The following AMH variants were observed in gnomAD, a reference collection of about 807,000 sequenced individuals.
AMH encodes the protein anti-Muellerian hormone.
Under a neutral mutation model 33.3 loss-of-function variants are expected in AMH, and 39 were observed. The ratio of observed to expected loss-of-function variants is 1.17; its 90% CI spans 0.91 to 1.53. The LOEUF (loss-of-function observed/expected upper bound fraction) is 1.53, where lower values mean the gene tolerates loss of function less well. AMH is among the 40% of genes most tolerant of loss of function. The pLI is 0.00. For synonymous variants in AMH, 536 were observed against 403.0 expected, an observed-to-expected ratio of 1.33 and a Z score of -3.95; for missense variants, 1,019 against 799.8, an observed-to-expected ratio of 1.27 and a Z score of -3.30.
At position 2,249,355 on chromosome 19, in the gene AMH, G is replaced by A. The variant is rs145122767; in HGVS notation, c.23G>A (p.Ser8Asn). The change falls in exon 1 of 5, where the codon AGC (serine) becomes AAC (asparagine). Residue 8 changes from serine to asparagine, a missense_variant. Transcript: ENST00000221496. Reference sequence around the variant, plus strand: ...ACGATGCGGGACCTGCCTCTCACCAGCCTGGCCCTAGTGCTGTCTGCCCTG... The same window carrying A: ...ACGATGCGGGACCTGCCTCTCACCAACCTGGCCCTAGTGCTGTCTGCCCTG... MRDLPLT[S>N]LALVLSALGA... The A allele has an allele frequency of 6.3e-7, 1 of 1,578,788 alleles. No individual in the cohort carries two copies. Among genetic ancestry groups the A allele is most frequent in the East Asian group, 2.3e-5 (1 of 42,906 alleles).
Position 2,251,374 on chromosome 19 carries a change from C to G in AMH, c.1100C>G (p.Thr367Arg). The G allele has an allele frequency of 6.8e-7, 1 of 1,472,066 alleles. No homozygotes were observed. The highest frequency in any genetic ancestry group is 8.9e-7 in the Non-Finnish European group (1 of 1,118,866). The allele number at this position is 1,472,066 out of a possible 1,614,324, so 91.2% of individuals were successfully genotyped here. ...GATCCTGCGCCCCTGCACGACCCCA[C>G]GTCGGCGCCGTGGGCCACGGCCCTG... ...TGDPAPLHDP[T>R]SAPWATALAR... is the part of the protein sequence containing the mutation. The change falls in exon 5 of 5, where the codon ACG becomes AGG. Residue 367 changes from threonine (T) to arginine (R), a missense_variant. By Grantham distance (71) the Thr-to-Arg change is moderately conservative. Coordinates refer to ENST00000221496, the MANE Select transcript of AMH (RefSeq NM_000479.5).
At position 2,249,478 on chromosome 19, in the gene AMH, G is replaced by C; in HGVS notation, c.146G>C (p.Ser49Thr). The C allele has an allele frequency of 6.2e-7, 1 of 1,605,778 alleles. No individual in the cohort carries two copies. The highest frequency in any genetic ancestry group is 8.5e-7 in the Non-Finnish European group (1 of 1,177,272). The change falls in exon 1 of 5, where the codon AGC becomes ACC. Residue 49 changes from serine to threonine, a missense_variant. By Grantham distance (58) the Ser-to-Thr change is moderately conservative. Transcript: ENST00000221496. ...FREDLDWPPGSPQEPLCLVAL... is the reference protein window; with the variant it reads ...FREDLDWPPGTPQEPLCLVAL... ...GAAGACTTGGACTGGCCTCCAGGCA[G>C]CCCACAAGAGCCTCTGTGCCTGGTG...
chr19:2,249,368 G>T lies in AMH; in HGVS notation c.36G>T (p.Val12=). 6.3e-7 allele frequency: 1 copy of T among 1,583,360 alleles called. No homozygotes were observed. ...RDLPLTSLAL[V]LSALGALLGT... Reference sequence around the variant, plus strand: ...TGCCTCTCACCAGCCTGGCCCTAGTGCTGTCTGCCCTGGGGGCTCTGCTGG... The same window carrying T: ...TGCCTCTCACCAGCCTGGCCCTAGTTCTGTCTGCCCTGGGGGCTCTGCTGG... Residue 12 remains valine (V), a synonymous_variant, in exon 1 of 5, where the codon GTG becomes GTT. Transcript: ENST00000221496.
In AMH at chr19:2,249,401, G is replaced by T; in HGVS notation, c.69G>T (p.Glu23Asp). The T allele has an allele frequency of 6.3e-7, 1 of 1,593,768 alleles. No homozygotes were observed. The highest frequency in any genetic ancestry group is 8.5e-7 in the Non-Finnish European group (1 of 1,171,118). ...LSALGALLGT[E>D]ALRAEEPAVG... is the part of the protein sequence containing the mutation. ...CCCTGGGGGCTCTGCTGGGGACTGA[G>T]GCCCTCAGAGCAGAGGAGCCAGCTG... Residue 23 changes from glutamate to aspartate, a missense_variant, in exon 1 of 5, where the codon GAG (glutamate) becomes GAT (aspartate). By Grantham distance (45) the Glu-to-Asp change is conservative. Coordinates refer to ENST00000221496, the MANE Select transcript of AMH (RefSeq NM_000479.5).
chr19:2,250,080 C>T (rs2025002019), intron 1 of AMH: 2 of 643,276 alleles, frequency 3.1e-6, no homozygotes, highest in East Asian at 5.5e-5. Flanking sequence ...TAAGATACTC[C>T]CTGCGGGGAA....
chr19:2,251,796 G>T lies in AMH; in HGVS notation c.1522G>T (p.Val508Leu). 6.2e-7 allele frequency: 1 copy of T among 1,609,190 alleles called. No homozygotes were observed. Among genetic ancestry groups the T allele is most frequent in the East Asian group, 2.2e-5 (1 of 44,818 alleles). ...DRNPRYGNHV[V>L]LLLKMQVRGA... ...CAACCCGCGCTACGGCAACCACGTG[G>T]TGCTGCTGCTGAAGATGCAGGTCCG... Residue 508 changes from valine (V) to leucine (L), a missense_variant, in exon 5 of 5, where the codon GTG becomes TTG. Val to Leu is a conservative substitution (Grantham distance 32). Coordinates refer to ENST00000221496, the MANE Select transcript of AMH (RefSeq NM_000479.5).
rs748534352 is a variant in AMH at position 2,249,788 on chromosome 19, C to T, written c.412+44C>T. ...CAAGCTTGGCACCGCCGTCTTCCTT[C>T]AGGTGGGCCGGGTCCTCCTAGGGAA... On this transcript the variant is annotated intron_variant, in intron 1 of 4. Transcript: ENST00000221496. The T allele has an allele frequency of 4.1e-6, 6 of 1,459,550 alleles. No homozygotes were observed. In the South Asian group the frequency reaches 4.4e-5, roughly 11 times the overall value. The allele number at this position is 1,459,550 out of a possible 1,614,324, so 90.4% of individuals were successfully genotyped here.
In AMH at chr19:2,249,987, C is replaced by T. The variant is rs968711660; in HGVS notation, c.412+243C>T. 9.1e-5 allele frequency: 57 copies of T among 624,386 alleles called. No homozygotes were observed. The South Asian group carries it at 1.2e-3, about 13-fold the overall frequency. 38.7% of individuals were successfully genotyped at this position (624,386 alleles called of 1,614,324 possible). On this transcript the variant is annotated intron_variant, in intron 1 of 4. Coordinates refer to ENST00000221496, the MANE Select transcript of AMH (RefSeq NM_000479.5). ...CCAGGGAGAGAGCTGCTGCCTTCTCCCCACCCCTGAAGACGACGCAGGGCT... is the reference window on the plus strand; with the variant it reads ...CCAGGGAGAGAGCTGCTGCCTTCTCTCCACCCCTGAAGACGACGCAGGGCT...
chr19:2,251,113 T>G lies in AMH; in HGVS notation c.839T>G (p.Leu280Arg). 1 of 1,542,458 alleles carries G rather than the reference T, an allele frequency of 6.5e-7. No individual in the cohort carries two copies. The highest frequency in any genetic ancestry group is 8.7e-7 in the Non-Finnish European group (1 of 1,151,362). ...GCGGGTTCCAGGCCATCCGCGGAACTCGAGGAGTCGCCACCCAGCGCAGAC... is the reference window on the plus strand; with the variant it reads ...GCGGGTTCCAGGCCATCCGCGGAACGCGAGGAGTCGCCACCCAGCGCAGAC... ...PFPPPRPSAE[L>R]EESPPSADPF... Residue 280 changes from leucine (L) to arginine (R), a missense_variant, in exon 5 of 5, where the codon CTC (leucine) becomes CGC (arginine). Transcript: ENST00000221496.
Position 2,249,714 on chromosome 19 carries a change from C to T in AMH, c.382C>T (p.Gln128Ter). The T allele has an allele frequency of 6.6e-7, 1 of 1,507,216 alleles. No homozygotes were observed. The highest frequency in any genetic ancestry group is 8.8e-7 in the Non-Finnish European group (1 of 1,133,596). The allele number at this position is 1,507,216 out of a possible 1,614,324, so 93.4% of individuals were successfully genotyped here. A position where few individuals can be genotyped will look rare whatever the true frequency, so the allele number is the denominator to read the frequency against. The stretch of plus-strand genomic sequence containing the variant: ...GGCCTGGCTGCGGGACCCTGGGGGG[C>T]AGCGCCTGGTGGTCCTACACCTGGA... ...LGAWLRDPGGQRLVVLHLEEV... is the reference protein window; with the variant it reads ...LGAWLRDPGG The change falls in exon 1 of 5, where the codon CAG becomes TAG. Residue 128 changes from glutamine (Q) to a stop codon, truncating the protein, a stop_gained. Coordinates refer to ENST00000221496, the MANE Select transcript of AMH (RefSeq NM_000479.5). LOFTEE classifies it high-confidence loss of function.
Position 2,249,462 on chromosome 19 carries a change from G to C in AMH, c.130G>C (p.Asp44His). Residue 44 changes from aspartate to histidine, a missense_variant, in exon 1 of 5, where the codon GAC (aspartate) becomes CAC (histidine). Asp to His is a moderately conservative substitution (Grantham distance 81). Coordinates refer to ENST00000221496, the MANE Select transcript of AMH (RefSeq NM_000479.5). ...TGGCCTCATCTTCCGAGAAGACTTGGACTGGCCTCCAGGCAGCCCACAAGA... is the reference window on the plus strand; with the variant it reads ...TGGCCTCATCTTCCGAGAAGACTTGCACTGGCCTCCAGGCAGCCCACAAGA... ...TSGLIFREDL[D>H]WPPGSPQEPL... 1 of 1,606,704 alleles carries C rather than the reference G, an allele frequency of 6.2e-7. No individual in the cohort carries two copies. Among genetic ancestry groups the C allele is most frequent in the Admixed American group, 1.7e-5 (1 of 59,362 alleles).
At chr19:2,249,817 C>G in intron 1 of AMH, 73 bp downstream of exon 1, 1 of 1,413,206 alleles carries the variant, frequency 7.1e-7, no homozygotes, top group East Asian at 2.5e-5. Flanking sequence ...TAGGGAAGAT[C>G]AGGGGCTGGC....
rs2145027047 is a variant in AMH at position 2,250,317 on chromosome 19, C to T, written c.413-20C>T. On this transcript the variant is annotated intron_variant, in intron 1 of 4. Transcript: ENST00000221496. ...TGTGGCCTTCAATGGCTCAGGCGTCCCCTGCTGTCCCGGCTGCAGTGACCT... is the reference window on the plus strand; with the variant it reads ...TGTGGCCTTCAATGGCTCAGGCGTCTCCTGCTGTCCCGGCTGCAGTGACCT... The T allele has an allele frequency of 6.3e-7, 1 of 1,587,924 alleles. No homozygotes were observed. Among genetic ancestry groups the T allele is most frequent in the East Asian group, 2.3e-5 (1 of 44,232 alleles).
chr19:2,250,349 C>T lies in AMH; in HGVS notation c.425C>T (p.Pro142Leu). ...GTCCCGGCTGCAGTGACCTGGGAGC[C>T]AACACCCTCGCTGAGGTTCCAGGAG... ...VLHLEEVTWE[P>L]TPSLRFQEPP... The change falls in exon 2 of 5, where the codon CCA becomes CTA. Residue 142 changes from proline (P) to leucine (L), a missense_variant. Transcript: ENST00000221496. 1.3e-6 allele frequency: 2 copies of T among 1,598,334 alleles called. No individual in the cohort carries two copies. The highest frequency in any genetic ancestry group is 1.7e-6 in the Non-Finnish European group (2 of 1,175,598).
Position 2,251,513 on chromosome 19 carries a change from T to A in AMH, c.1239T>A (p.Gly413=), listed in dbSNP as rs7252789. 1,204,488 of 1,369,386 alleles carry A rather than the reference T, an allele frequency of 0.88. 530,103 individuals carry two copies. Among genetic ancestry groups the A allele is most frequent in the East Asian group, 0.92 (29,141 of 31,636 alleles). 84.8% of individuals were successfully genotyped at this position (1,369,386 alleles called of 1,614,324 possible). The change falls in exon 5 of 5, where the codon GGT becomes GGA. Residue 413 remains glycine (G), a synonymous_variant. Transcript: ENST00000221496. The part of the protein sequence containing the change: ...LLARLLALCP[G]GPGGLGDPLR... ...CGCGCCTGCTCGCGCTCTGCCCAGG[T>A]GGCCCCGGCGGCCTCGGCGATCCCC...
Position 2,250,541 on chromosome 19 carries a change from G to C in AMH, c.555+62G>C, listed in dbSNP as rs557221831. ...GGCGGGGGGCATGGATTTGTTGCAG[G>C]GTCTGCAGTACTGAGAACAGCGTAG... On this transcript the variant is annotated intron_variant, in intron 2 of 4. Transcript: ENST00000221496. The C allele has an allele frequency of 6.9e-5, 106 of 1,539,832 alleles. 3 individuals carry two copies. In the South Asian group the frequency reaches 1.1e-3, roughly 17 times the overall value.
rs773582762 is a variant in AMH at position 2,249,466 on chromosome 19, G to A, written c.134G>A (p.Trp45Ter). 1 of 1,606,894 alleles carries A rather than the reference G, an allele frequency of 6.2e-7. No homozygotes were observed. The highest frequency in any genetic ancestry group is 1.7e-5 in the Admixed American group (1 of 59,402). Reference protein sequence around the residue: ...SGLIFREDLDWPPGSPQEPLC... With the variant: ...SGLIFREDLD ...CTCATCTTCCGAGAAGACTTGGACT[G>A]GCCTCCAGGCAGCCCACAAGAGCCT... Residue 45 changes from tryptophan to a stop codon, truncating the protein, a stop_gained, in exon 1 of 5, where the codon TGG becomes TAG. Transcript: ENST00000221496. LOFTEE classifies it high-confidence loss of function.
Position 2,251,999 on chromosome 19 carries a change from G to A in AMH, c.*42G>A, listed in dbSNP as rs748642352. ...ACTCCTGCCCCGAGGGTCCGGACGCGCCCCAGCTCGCGCCCCTTCCCATAT... is the reference window on the plus strand; with the variant it reads ...ACTCCTGCCCCGAGGGTCCGGACGCACCCCAGCTCGCGCCCCTTCCCATAT... On this transcript the variant is annotated 3_prime_UTR_variant, in exon 5 of 5. Coordinates refer to ENST00000221496, the MANE Select transcript of AMH (RefSeq NM_000479.5). 5.9e-6 allele frequency: 9 copies of A among 1,528,596 alleles called. No homozygotes were observed. The highest frequency in any genetic ancestry group is 7.9e-6 in the Non-Finnish European group (9 of 1,143,292). The allele number at this position is 1,528,596 out of a possible 1,614,324, so 94.7% of individuals were successfully genotyped here. A position where few individuals can be genotyped will look rare whatever the true frequency, so the allele number is the denominator to read the frequency against.
chr19:2,249,990 A>G (rs2145025915), intron 1 of AMH: 3 of 616,458 alleles, frequency 4.9e-6, no homozygotes, highest in Admixed American at 5.9e-5. Context: ...CCTTCTCCCC[A>G]CCCCTGAAGA....
Sources: allele counts gnomAD v4.1 joint callset, GRCh38; gene constraint gnomAD v4.1.1; transcripts MANE v1.5; gene names NCBI Gene and HGNC (gene_info 2026-07-23, HGNC 2026-07-21).